Variants in RBFOX1 observed in about 807,000 individuals in gnomAD.
RBFOX1 encodes the protein RNA binding fox-1 homolog 1.
Under a neutral mutation model 57.7 loss-of-function variants are expected in RBFOX1, and 8 were observed. That is an observed-to-expected ratio of 0.14 (90% CI 0.08 to 0.25). RBFOX1 has a LOEUF of 0.25. Ranked by LOEUF, RBFOX1 falls within the 10% of genes least tolerant of loss-of-function variation. The pLI is 1.00. For synonymous variants in RBFOX1, 326 were observed against 222.4 expected (o/e 1.47, Z -4.15); for missense variants, 611 against 548.5 (o/e 1.11, Z -1.14).
intron 1 of RBFOX1, among the ~76,000 whole-genome samples, chr16:5,340,980 G>A (rs1385803665): frequency 6.6e-6 from 1 of 152,160 alleles, no homozygotes; most frequent in Non-Finnish European, 1.5e-5. Flanking sequence ...TGACATTTAA[G>A]CAGTGACCTG....
intron 3 of RBFOX1, among the ~76,000 whole-genome samples, chr16:5,691,481 T>C (rs959084072): frequency 2.0e-5 from 3 of 152,246 alleles, no homozygotes; most frequent in African/African-American, 7.2e-5. Context: ...ATGGCAACTT[T>C]TAAAATATGT....
At chr16:6,426,390 G>C (rs947220713) in intron 2 of RBFOX1, among the ~76,000 whole-genome samples, 1 of 152,118 alleles carries the variant, frequency 6.6e-6, no homozygotes, top group African/African-American at 2.4e-5. Flanking sequence ...CCAGGAAAGA[G>C]AGAGAAAAGA....
intron 4 of RBFOX1, among the ~76,000 whole-genome samples, chr16:7,234,977 C>G (rs895223533): frequency 5.9e-5 from 9 of 152,012 alleles, no homozygotes; most frequent in African/African-American, 1.9e-4. Flanking sequence ...AAATTTATTT[C>G]TACCTCTGCA....
chr16:7,344,501 A>C (rs1008476780), intron 4 of RBFOX1, among the ~76,000 whole-genome samples: 2 of 150,826 alleles, frequency 1.3e-5, no homozygotes, highest in Non-Finnish European at 3.0e-5. Flanking sequence ...TTATAGGATA[A>C]TTATATATAA....
At chr16:5,367,118 AAAC>A (rs147547446) in intron 1 of RBFOX1, among the ~76,000 whole-genome samples, 3,143 of 152,342 alleles carry the variant, frequency 0.021, 114 homozygotes, top group African/African-American at 0.072. Context: ...TTTTATTTGA[AAAC>A]AACTTAAATT....
intron 3 of RBFOX1, among the ~76,000 whole-genome samples, chr16:5,715,251 A>T (rs2051650411): frequency 6.6e-6 from 1 of 152,168 alleles, no homozygotes; most frequent in African/African-American, 2.4e-5. Context: ...TTCGAAATCT[A>T]ATTCAATTAC....
At chr16:7,098,776 CCT>C (rs1348586600) in intron 4 of RBFOX1, among the ~76,000 whole-genome samples, 1 of 151,700 alleles carries the variant, frequency 6.6e-6, no homozygotes, top group African/African-American at 2.4e-5. Context: ...ATAGTGAGAC[CCT>C]GTGTCTATCT....
At chr16:5,515,256 A>G (rs2043748923) in intron 2 of RBFOX1, among the ~76,000 whole-genome samples, 1 of 152,220 alleles carries the variant, frequency 6.6e-6, no homozygotes, top group Non-Finnish European at 1.5e-5. Context: ...CATGTGGGCA[A>G]GTGGTCTGGG....
intron 4 of RBFOX1, among the ~76,000 whole-genome samples, chr16:7,201,424 C>A (rs530772454): frequency 6.6e-6 from 1 of 150,966 alleles, no homozygotes; most frequent in African/African-American, 2.4e-5. Context: ...TTAGTTTGAT[C>A]TAGGCAAGAG....
At chr16:6,599,064 A>T (rs904194912) in intron 2 of RBFOX1, among the ~76,000 whole-genome samples, 1 of 152,242 alleles carries the variant, frequency 6.6e-6, no homozygotes, top group Non-Finnish European at 1.5e-5. Flanking sequence ...GGAGGTGAGA[A>T]GATGAATGCT....
chr16:6,094,691 C>G (rs535864396), intron 1 of RBFOX1, among the ~76,000 whole-genome samples: 127 of 152,306 alleles, frequency 8.3e-4, no homozygotes, highest in African/African-American at 3.0e-3. Context: ...TATCCTATGA[C>G]TCAGTTTCCT....
At position 7,592,732 on chromosome 16, in the gene RBFOX1, C is replaced by T. The variant is rs546649202; in HGVS notation, c.469-2817C>T. ...CTGGGACATGTGCTTTTGGCTGTAC[C>T]TCTACATGTAAGCTCCAAGTAACTG... On this transcript the variant is annotated intron_variant, in intron 7 of 15. Coordinates refer to ENST00000550418, the MANE Select transcript of RBFOX1 (RefSeq NM_018723.4). Among the ~76,000 whole-genome samples the T allele has an allele frequency of 3.3e-5, 5 of 152,284 alleles. No individual in the cohort carries two copies. In the South Asian group the frequency reaches 8.3e-4, roughly 25 times the overall value.
chr16:5,652,990 T>C (rs2049289984), intron 3 of RBFOX1, among the ~76,000 whole-genome samples: 1 of 152,180 alleles, frequency 6.6e-6, no homozygotes, highest in Admixed American at 6.5e-5. Flanking sequence ...GCTGAGCTGC[T>C]GTGCAGAAGG....
At chr16:7,600,577 T>C (rs1360527921) in intron 9 of RBFOX1, among the ~76,000 whole-genome samples, 1 of 152,194 alleles carries the variant, frequency 6.6e-6, no homozygotes. Context: ...ACTCATTAGC[T>C]ACATAATTCA....
intron 3 of RBFOX1, among the ~76,000 whole-genome samples, chr16:7,048,364 A>G (rs962618926): frequency 2.0e-5 from 3 of 151,668 alleles, no homozygotes; most frequent in Admixed American, 6.6e-5. Flanking sequence ...GGTTCAAGCA[A>G]TTTTCCTGCC....
chr16:7,685,566 TGAA>T (rs1231629088), intron 14 of RBFOX1, among the ~76,000 whole-genome samples: 10 of 152,200 alleles, frequency 6.6e-5, no homozygotes, highest in South Asian at 2.1e-4. Context: ...CAGAAAGAGA[TGAA>T]GAAGGTGAAC....
intron 2 of RBFOX1, among the ~76,000 whole-genome samples, chr16:6,528,797 G>C (rs562647759): frequency 6.6e-6 from 1 of 152,124 alleles, no homozygotes; most frequent in Non-Finnish European, 1.5e-5. Context: ...CAACCCACTA[G>C]GTGACAGTAG....
intron 2 of RBFOX1, among the ~76,000 whole-genome samples, chr16:6,604,481 T>C (rs9933668): frequency 0.57 from 86,826 of 151,810 alleles, 25,399 homozygotes; most frequent in African/African-American, 0.69. Flanking sequence ...TCTGTAATTT[T>C]TAGTGGCACA....
intron 3 of RBFOX1, among the ~76,000 whole-genome samples, chr16:6,784,378 T>C (rs2081556178): frequency 6.6e-6 from 1 of 152,174 alleles, no homozygotes; most frequent in Admixed American, 6.5e-5. Context: ...TTTCTTCTGC[T>C]TCACCAATTT....
Sources: gnomAD v4.1 joint callset for allele counts (sites outside exome capture counted in the v4.1 genomes callset) on GRCh38, gnomAD v4.1.1 for gene constraint, MANE v1.5 for transcripts, NCBI Gene and HGNC (gene_info 2026-07-23, HGNC 2026-07-21) for gene names.